The following WNT7A variants were observed in gnomAD, a reference collection of about 807,000 sequenced individuals.
WNT7A encodes the protein Wnt family member 7A.
Under a neutral mutation model 28.2 loss-of-function variants are expected in WNT7A, and 16 were observed. That is an observed-to-expected ratio of 0.57 (90% CI 0.38 to 0.86). The LOEUF (loss-of-function observed/expected upper bound fraction) is 0.86. Ranked by LOEUF, WNT7A falls within the 40% of genes least tolerant of loss-of-function variation. The probability of loss-of-function intolerance (pLI) is 0.00; values close to 1 mark genes in which losing one functional copy is unlikely to be tolerated. For synonymous variants in WNT7A, 190 were observed against 195.9 expected (o/e 0.97, Z 0.25); for missense variants, 411 against 489.7 (o/e 0.84, Z 1.52).
intron 2 of WNT7A, among the ~76,000 whole-genome samples, chr3:13,861,056 A>G (rs1478893355): frequency 2.0e-5 from 3 of 152,182 alleles, no homozygotes; most frequent in African/African-American, 7.2e-5. Flanking sequence ...ATGTGATACA[A>G]CCTGTAAGGA....
intron 2 of WNT7A, among the ~76,000 whole-genome samples, chr3:13,868,520 G>A (rs1694947153): frequency 2.1e-5 from 3 of 143,006 alleles, no homozygotes; most frequent in Admixed American, 7.2e-5. Flanking sequence ...GAGAGAGAAA[G>A]AAAGGTGGGA....
chr3:13,869,616 A>G (rs1694996765), intron 2 of WNT7A, among the ~76,000 whole-genome samples: 1 of 143,314 alleles, frequency 7.0e-6, no homozygotes. Flanking sequence ...GAAAGAGAGA[A>G]AGAGAAAGAA....
chr3:13,869,365 G>A (rs1301105154), intron 2 of WNT7A, among the ~76,000 whole-genome samples: 1 of 141,160 alleles, frequency 7.1e-6, no homozygotes, highest in African/African-American at 2.7e-5. Context: ...AAGAGAGAAA[G>A]GAAGGAAGGG....
intron 3 of WNT7A, among the ~76,000 whole-genome samples, chr3:13,841,008 TC>T (rs1475334393): frequency 6.6e-6 from 1 of 152,132 alleles, no homozygotes; most frequent in Non-Finnish European, 1.5e-5. Flanking sequence ...TAGAATGTAA[TC>T]CCCCTCAAAT....
intron 3 of WNT7A, among the ~76,000 whole-genome samples, chr3:13,848,066 T>TA (rs541790932): frequency 7.4e-6 from 1 of 135,110 alleles, no homozygotes; most frequent in African/African-American, 3.0e-5. Context: ...AATGAATTTT[T>TA]TAAAAAAAAC....
intron 1 of WNT7A, among the ~76,000 whole-genome samples, chr3:13,877,440 C>A (rs182558089): frequency 6.6e-6 from 1 of 152,216 alleles, no homozygotes; most frequent in African/African-American, 2.4e-5. Context: ...TAAGTGGAGA[C>A]GTTTTGGCAT....
chr3:13,879,042 C>T (rs910603192), intron 1 of WNT7A, among the ~76,000 whole-genome samples: 2 of 152,192 alleles, frequency 1.3e-5, no homozygotes, highest in African/African-American at 4.8e-5. Flanking sequence ...TGTCCCGCCT[C>T]TCTCTAGCGC....
chr3:13,852,971 T>C (rs1694664153), intron 3 of WNT7A, among the ~76,000 whole-genome samples: 1 of 152,128 alleles, frequency 6.6e-6, no homozygotes, highest in Admixed American at 6.6e-5. Context: ...TCTACTGAGC[T>C]TTCCTGAGAT....
At position 13,864,165 on chromosome 3, in the gene WNT7A, A is replaced by G. The variant is rs79175631; in HGVS notation, c.299-9362T>C. Among the ~76,000 whole-genome samples, 1,285 of 152,276 alleles carry G rather than the reference A, an allele frequency of 8.4e-3. 22 individuals are homozygous for G. Among genetic ancestry groups the G allele is most frequent in the African/African-American group, 0.029 (1,211 of 41,538 alleles). On this transcript the variant is annotated intron_variant, in intron 2 of 3. Coordinates refer to ENST00000285018, the MANE Select transcript of WNT7A (RefSeq NM_004625.4). ...GCGGGAAATCACCATTTCTTTGCCG[A>G]TGATAATGCTGGAGACATAGCAATG... is the stretch of plus-strand genomic sequence containing the variant.
At chr3:13,841,894 C>T (rs959749916) in intron 3 of WNT7A, among the ~76,000 whole-genome samples, 2 of 152,148 alleles carry the variant, frequency 1.3e-5, no homozygotes, top group African/African-American at 4.8e-5. Context: ...GGAAAGGCCT[C>T]CTTGAGAGGT....
intron 3 of WNT7A, among the ~76,000 whole-genome samples, chr3:13,843,927 A>G (rs1694500631): frequency 6.6e-6 from 1 of 152,046 alleles, no homozygotes; most frequent in Non-Finnish European, 1.5e-5. Context: ...TTATATTTTT[A>G]GTAGAGATGG....
At chr3:13,844,602 G>A (rs1293129908) in intron 3 of WNT7A, among the ~76,000 whole-genome samples, 1 of 152,206 alleles carries the variant, frequency 6.6e-6, no homozygotes, top group East Asian at 1.9e-4. Context: ...GTAACCCCAG[G>A]AAAGCACCTA....
In WNT7A at chr3:13,831,495, TC is replaced by T. The variant is rs1254476853; in HGVS notation, c.571-12073del. Among the ~76,000 whole-genome samples the T allele has an allele frequency of 2.6e-5, 4 of 152,278 alleles. No individual in the cohort carries two copies. The East Asian group carries it at 7.7e-4, about 29-fold the overall frequency. On this transcript the variant is annotated intron_variant, in intron 3 of 3. Coordinates refer to ENST00000285018, the MANE Select transcript of WNT7A (RefSeq NM_004625.4). ...GGTGGGTGGGCTAGGATGGCCTTGC[TC>T]CCTCGGTGATGGTCACTTGGGCTGG...
chr3:13,846,506 G>C (rs1694540568), intron 3 of WNT7A, among the ~76,000 whole-genome samples: 1 of 152,174 alleles, frequency 6.6e-6, no homozygotes, highest in South Asian at 2.1e-4. Context: ...AAAACGGAGA[G>C]AACAGGGAAT....
At chr3:13,869,152 AGAAG>A (rs1694987122) in intron 2 of WNT7A, among the ~76,000 whole-genome samples, 1 of 147,548 alleles carries the variant, frequency 6.8e-6, no homozygotes, top group African/African-American at 2.5e-5. Flanking sequence ...AAGGAAGGAA[AGAAG>A]GAAGGACGGA....
At chr3:13,834,648 C>T (rs560068048) in intron 3 of WNT7A, among the ~76,000 whole-genome samples, 68 of 152,268 alleles carry the variant, frequency 4.5e-4, no homozygotes, top group Non-Finnish European at 7.4e-4. Context: ...CACCTGCTGC[C>T]CTTCTGCCTT....
At chr3:13,877,921 G>A (rs1695134028) in intron 1 of WNT7A, among the ~76,000 whole-genome samples, 1 of 152,226 alleles carries the variant, frequency 6.6e-6, no homozygotes, top group Non-Finnish European at 1.5e-5. Context: ...GGGTAGAGCC[G>A]TCACGTCTGG....
intron 1 of WNT7A, among the ~76,000 whole-genome samples, chr3:13,877,650 A>C (rs1439238190): frequency 6.6e-6 from 1 of 152,116 alleles, no homozygotes; most frequent in Non-Finnish European, 1.5e-5. Flanking sequence ...TTCCCTCTGC[A>C]CTTCAGTTTC....
At chr3:13,830,905 A>T (rs1047718239) in intron 3 of WNT7A, among the ~76,000 whole-genome samples, 1 of 152,088 alleles carries the variant, frequency 6.6e-6, no homozygotes, top group Non-Finnish European at 1.5e-5. Flanking sequence ...ACACTGGGTA[A>T]GTGAGTCCCT....
Sources: allele counts gnomAD v4.1 joint callset (sites outside exome capture counted in the v4.1 genomes callset), GRCh38; gene constraint gnomAD v4.1.1; transcripts MANE v1.5; gene names NCBI Gene and HGNC (gene_info 2026-07-23, HGNC 2026-07-21).